The following SH3BGR variants were observed in gnomAD, a reference collection of about 807,000 sequenced individuals.
SH3BGR encodes SH3 domain-binding glutamic acid-rich protein.
In SH3BGR, 29 loss-of-function variants were observed where a neutral mutation model predicts 24.5. The ratio of observed to expected loss-of-function variants is 1.18; its 90% CI spans 0.88 to 1.61. The LOEUF is 1.61. SH3BGR is among the 40% of genes most tolerant of loss of function. SH3BGR has a pLI of 0.00. For missense variants in SH3BGR, 162 were observed against 205.8 expected (o/e 0.79, Z 1.30); for synonymous variants, 55 against 65.7 (o/e 0.84, Z 0.79).
intron 2 of SH3BGR, among the ~76,000 whole-genome samples, chr21:39,466,209 A>T (rs991918345): frequency 6.6e-6 from 1 of 152,204 alleles, no homozygotes; most frequent in Non-Finnish European, 1.5e-5. Flanking sequence ...GTTCTCCGTG[A>T]CTTTGACAAC....
intron 1 of SH3BGR, among the ~76,000 whole-genome samples, chr21:39,457,659 C>T (rs2077684960): frequency 1.3e-5 from 2 of 151,752 alleles, no homozygotes; most frequent in African/African-American, 4.8e-5. Flanking sequence ...CAGCCGGGCA[C>T]TGTGGGTCTT....
intron 2 of SH3BGR, among the ~76,000 whole-genome samples, chr21:39,465,866 TAGG>T (rs890123686): frequency 1.3e-5 from 2 of 152,214 alleles, no homozygotes; most frequent in Non-Finnish European, 2.9e-5. Context: ...GTTGGGATTA[TAGG>T]TGTGAGCTGC....
At chr21:39,512,701 A>G (rs2078716949) in intron 6 of SH3BGR, among the ~76,000 whole-genome samples, 1 of 152,176 alleles carries the variant, frequency 6.6e-6, no homozygotes, top group Non-Finnish European at 1.5e-5. Context: ...CTGAAGCCTG[A>G]AAATCACTTG....
chr21:39,499,666 A>T (rs1003399851), intron 3 of SH3BGR, among the ~76,000 whole-genome samples, 157 bp from the exon 4 acceptor site: 1 of 152,088 alleles, frequency 6.6e-6, no homozygotes, highest in Non-Finnish European at 1.5e-5. Context: ...TGGAGATCCT[A>T]TGCTCTAGTC....
At chr21:39,484,441 T>A (rs946540317) in intron 3 of SH3BGR, among the ~76,000 whole-genome samples, 18 of 152,196 alleles carry the variant, frequency 1.2e-4, no homozygotes, top group African/African-American at 3.4e-4. Context: ...TTAAAAAAAA[T>A]TATATTTTGA....
intron 4 of SH3BGR, among the ~76,000 whole-genome samples, chr21:39,500,581 A>C (rs1280110276): frequency 6.6e-6 from 1 of 152,076 alleles, no homozygotes; most frequent in African/African-American, 2.4e-5. Context: ...TGTGCTGGGA[A>C]ACCAGGCGCC....
chr21:39,458,668 A>G (rs1200220152), intron 1 of SH3BGR, among the ~76,000 whole-genome samples: 6 of 144,906 alleles, frequency 4.1e-5, no homozygotes, highest in Admixed American at 1.4e-4. Context: ...TTTTTTTGAG[A>G]CAGAGTCTTA....
chr21:39,463,173 G>A (rs182419445), intron 2 of SH3BGR, among the ~76,000 whole-genome samples: 30 of 152,184 alleles, frequency 2.0e-4, no homozygotes, highest in Admixed American at 7.2e-4. Context: ...TGTGAGCCAC[G>A]GTGCCCAGCA....
At chr21:39,468,804 A>G (rs2077886737) in intron 2 of SH3BGR, among the ~76,000 whole-genome samples, 1 of 152,152 alleles carries the variant, frequency 6.6e-6, no homozygotes, top group African/African-American at 2.4e-5. Context: ...GTTTACTATG[A>G]CACATGTGTT....
chr21:39,498,387 A>G lies in SH3BGR; in HGVS notation c.313-1436A>G, dbSNP rs372544460. ...TGGGACCCATTTTGTAAGTTAAAAGAGCATCAGGGAGGAGGTGTAGACCTA... is the reference window on the plus strand; with the variant it reads ...TGGGACCCATTTTGTAAGTTAAAAGGGCATCAGGGAGGAGGTGTAGACCTA... On this transcript the variant is annotated intron_variant, in intron 3 of 6. Transcript: ENST00000333634. Among the ~76,000 whole-genome samples the G allele has an allele frequency of 1.9e-3, 287 of 152,306 alleles. 2 individuals are homozygous for G. The highest frequency in any genetic ancestry group is 6.6e-3 in the African/African-American group (273 of 41,550).
At chr21:39,476,724 A>G (rs374353266) in intron 3 of SH3BGR, among the ~76,000 whole-genome samples, 1 of 152,120 alleles carries the variant, frequency 6.6e-6, no homozygotes, top group East Asian at 1.9e-4. Flanking sequence ...TATTCCTACT[A>G]CTTCTCAATC....
intron 1 of SH3BGR, 34 bp downstream of exon 1, chr21:39,452,175 C>CT (rs746789031): frequency 6.2e-7 from 1 of 1,613,406 alleles, no homozygotes. Flanking sequence ...TTCCTATACT[C>CT]TTTTCTGAAT....
intron 2 of SH3BGR, among the ~76,000 whole-genome samples, chr21:39,469,722 C>T (rs1441825155): frequency 6.6e-6 from 1 of 151,704 alleles, no homozygotes; most frequent in Non-Finnish European, 1.5e-5. Flanking sequence ...GGCCCGATCT[C>T]AGCTCATTGC....
Position 39,511,480 on chromosome 21 carries a change from ATGTGTGTGGGGTG to A in SH3BGR, c.436-190_436-178del, listed in dbSNP as rs2078694358. ...CGTGGTGTGTGTGTGTTTGGGCGGT[ATGTGTGTGGGGTG>A]TGTGTGTGGCATGTGTTTGTGTGGC... On this transcript the variant is annotated intron_variant, in intron 5 of 6. Transcript: ENST00000333634. This position sits in a 1 kb window ranked among gnomAD's most constrained non-coding sequence, Gnocchi z 4.2. Among the ~76,000 whole-genome samples, 1 of 125,930 alleles carries A rather than the reference ATGTGTGTGGGGTG, an allele frequency of 7.9e-6. No homozygotes were observed. Among genetic ancestry groups the A allele is most frequent in the Non-Finnish European group, 1.7e-5 (1 of 59,252 alleles). 82.6% of individuals were successfully genotyped at this position (125,930 alleles called of 152,430 possible).
chr21:39,510,397 CT>C lies in SH3BGR; in HGVS notation c.436-1282del, dbSNP rs1402843859. On this transcript the variant is annotated intron_variant, in intron 5 of 6. Transcript: ENST00000333634. The stretch of plus-strand genomic sequence containing the variant: ...ACACACACACACACACACACTGTAG[CT>C]ACACACACACACACACACACACACT... Among the ~76,000 whole-genome samples the C allele has an allele frequency of 7.3e-3, 704 of 96,144 alleles. 11 individuals carry two copies. The highest frequency in any genetic ancestry group is 0.029 in the African/African-American group (657 of 23,008). The allele number at this position is 96,144 out of a possible 152,430, so 63.1% of individuals were successfully genotyped here.
intron 3 of SH3BGR, among the ~76,000 whole-genome samples, chr21:39,496,624 C>G (rs2078402587): frequency 6.6e-6 from 1 of 150,986 alleles, no homozygotes; most frequent in Non-Finnish European, 1.5e-5. Flanking sequence ...TCTTAAGTTT[C>G]TAGATGAAAG....
intron 3 of SH3BGR, among the ~76,000 whole-genome samples, chr21:39,477,963 C>A (rs34028964): frequency 0.12 from 18,316 of 152,090 alleles, 1,509 homozygotes; most frequent in Non-Finnish European, 0.17. Flanking sequence ...AGCTAATTAA[C>A]ATCTGCCTTT....
chr21:39,482,813 G>A (rs548884081), intron 3 of SH3BGR, among the ~76,000 whole-genome samples: 2 of 152,056 alleles, frequency 1.3e-5, no homozygotes, highest in Non-Finnish European at 2.9e-5. Context: ...GGGGTTACCC[G>A]TGCCCGCCAC....
intron 1 of SH3BGR, among the ~76,000 whole-genome samples, chr21:39,461,974 A>G (rs1426391081): frequency 6.6e-6 from 1 of 151,860 alleles, no homozygotes; most frequent in Non-Finnish European, 1.5e-5. Flanking sequence ...TCAGCCTCTC[A>G]AGTAGCTGGG....
Sources: allele counts gnomAD v4.1 joint callset (sites outside exome capture counted in the v4.1 genomes callset), GRCh38; gene constraint gnomAD v4.1.1; non-coding constraint Gnocchi (gnomAD v3.1); transcripts MANE v1.5; gene names NCBI Gene and HGNC (gene_info 2026-07-23, HGNC 2026-07-21).